The following RALGPS2 variants were observed in gnomAD, a reference collection of about 807,000 sequenced individuals.
RALGPS2 encodes the protein Ral GEF with PH domain and SH3 binding motif 2.
A neutral mutation model predicts 86.8 loss-of-function variants in RALGPS2; 43 were observed. The observed-to-expected ratio is 0.50, with a 90% confidence interval of 0.39 to 0.64. The LOEUF (loss-of-function observed/expected upper bound fraction) is 0.64. Ranked by LOEUF, RALGPS2 falls within the 30% of genes least tolerant of loss-of-function variation. The pLI is 0.00. For synonymous variants in RALGPS2, 243 were observed against 231.3 expected (o/e 1.05, Z -0.46); for missense variants, 536 against 694.6 (o/e 0.77, Z 2.57).
chr1:178,807,246 G>A (rs1200440699), intron 4 of RALGPS2, among the ~76,000 whole-genome samples: 3 of 152,192 alleles, frequency 2.0e-5, no homozygotes, highest in African/African-American at 7.2e-5. Context: ...TGAGGTGGAA[G>A]AATTGCCTGA....
chr1:178,773,803 A>C (rs2102096696), intron 1 of RALGPS2, among the ~76,000 whole-genome samples: 1 of 152,298 alleles, frequency 6.6e-6, no homozygotes, highest in East Asian at 1.9e-4. Flanking sequence ...CTCAAAAAAA[A>C]AAAAAATACT....
chr1:178,738,730 C>A (rs921199099), intron 1 of RALGPS2, among the ~76,000 whole-genome samples: 1 of 152,136 alleles, frequency 6.6e-6, no homozygotes, highest in Non-Finnish European at 1.5e-5. Context: ...ATTTGTTTAA[C>A]ATTCAGCTTT....
intron 1 of RALGPS2, among the ~76,000 whole-genome samples, chr1:178,739,307 A>G (rs1340006811): frequency 6.6e-6 from 1 of 152,194 alleles, no homozygotes; most frequent in African/African-American, 2.4e-5. Context: ...GTGTTATCAT[A>G]AAAGTATTGT....
chr1:178,730,334 A>G (rs1365528419), intron 1 of RALGPS2, among the ~76,000 whole-genome samples: 1 of 152,168 alleles, frequency 6.6e-6, no homozygotes, highest in Non-Finnish European at 1.5e-5. Flanking sequence ...TTCTTATGCC[A>G]CCTTGAAATT....
intron 4 of RALGPS2, among the ~76,000 whole-genome samples, chr1:178,797,310 ATT>A (rs1423668423): frequency 6.8e-6 from 1 of 146,898 alleles, no homozygotes; most frequent in African/African-American, 2.5e-5. Context: ...GGGAAAAGCA[ATT>A]TTTTTTTTTT....
chr1:178,901,209 A>G lies in RALGPS2; in HGVS notation c.1525-897A>G, dbSNP rs551012228. 2.0e-4 allele frequency among the ~76,000 whole-genome samples: 31 copies of G among 152,194 alleles called. No homozygotes were observed. In the South Asian group the frequency reaches 6.2e-3, roughly 31 times the overall value. ...TACATTTTAAAGCATAATAAATAAA[A>G]TGAACACCTGTATACTCTCCACCCA... On this transcript the variant is annotated intron_variant, in intron 17 of 19. Coordinates refer to ENST00000367635, the MANE Select transcript of RALGPS2 (RefSeq NM_152663.5).
chr1:178,892,627 C>A (rs948874800), intron 15 of RALGPS2, among the ~76,000 whole-genome samples: 1 of 152,038 alleles, frequency 6.6e-6, no homozygotes, highest in Non-Finnish European at 1.5e-5. Context: ...AAATCTGCTT[C>A]TTTATTCATA....
intron 7 of RALGPS2, among the ~76,000 whole-genome samples, chr1:178,832,716 G>A (rs1391484801): frequency 6.6e-6 from 1 of 150,526 alleles, no homozygotes; most frequent in Non-Finnish European, 1.5e-5. Flanking sequence ...TCCAGTCTTT[G>A]GAATGATTTG....
intron 1 of RALGPS2, among the ~76,000 whole-genome samples, chr1:178,762,875 T>G (rs1310264853): frequency 1.3e-5 from 2 of 152,192 alleles, no homozygotes; most frequent in Non-Finnish European, 2.9e-5. Context: ...CAGTTTTTGT[T>G]GCAGTTGCTT....
At position 178,921,151 on chromosome 1, in the gene RALGPS2, G is replaced by A. The variant is rs902614611; in HGVS notation, c.*4792G>A. ...AAGTAGTCATTCAAGCCAAATGAAA[G>A]AGTTAACTGGTCCTTGAGGAGTGTT... On this transcript the variant is annotated 3_prime_UTR_variant, in exon 20 of 20. Transcript: ENST00000367635. 1.1e-4 allele frequency: 16 copies of A among 151,970 alleles called. No individual in the cohort carries two copies. The highest frequency in any genetic ancestry group is 3.6e-4 in the African/African-American group (15 of 41,416). 9.4% of individuals were successfully genotyped at this position (151,970 alleles called of 1,614,324 possible).
intron 19 of RALGPS2, among the ~76,000 whole-genome samples, chr1:178,912,266 G>A (rs1660655936): frequency 6.6e-6 from 1 of 152,156 alleles, no homozygotes; most frequent in Admixed American, 6.5e-5. Context: ...TCATTGTATA[G>A]TTGCTTTATA....
At chr1:178,863,438 TAGTC>T (rs1658168261) in intron 8 of RALGPS2, among the ~76,000 whole-genome samples, 1 of 152,166 alleles carries the variant, frequency 6.6e-6, no homozygotes, top group African/African-American at 2.4e-5. Context: ...GTTTAAGAAA[TAGTC>T]AGTGATTTGG....
rs190522812 is a variant in RALGPS2 at position 178,815,801 on chromosome 1, T to G, written c.387+4397T>G. Among the ~76,000 whole-genome samples the G allele has an allele frequency of 1.2e-3, 187 of 152,316 alleles. 1 individual carries two copies. The highest frequency in any genetic ancestry group is 0.011 in the Admixed American group (175 of 15,292). On this transcript the variant is annotated intron_variant, in intron 6 of 19. Transcript: ENST00000367635. ...CTGCCAACACACCCCACTGCTACAATATAGATGAAGGCTGTTCTGGGAATT... is the reference window on the plus strand; with the variant it reads ...CTGCCAACACACCCCACTGCTACAAGATAGATGAAGGCTGTTCTGGGAATT...
intron 13 of RALGPS2, 74 bp from the exon 14 acceptor site, chr1:178,889,564 AATTT>A (rs756080773): frequency 2.2e-6 from 2 of 929,016 alleles, no homozygotes; most frequent in Non-Finnish European, 3.5e-6. Flanking sequence ...ATAGTTAATT[AATTT>A]ATTTTTACAT....
Position 178,886,068 on chromosome 1 carries a change from G to C in RALGPS2, c.1140G>C (p.Ala380=), listed in dbSNP as rs769742333. The change falls in exon 13 of 20, where the codon GCG becomes GCC. Residue 380 remains alanine, a synonymous_variant. Transcript: ENST00000367635. ...LLDDSVMEPH[A]PSRGQAESST... is the part of the protein sequence containing the mutation. The stretch of plus-strand genomic sequence containing the variant: ...ATGATAGCGTCATGGAGCCCCATGC[G>C]CCATCTCGAGGCCAAGCTGAAAGTT... The C allele has an allele frequency of 7.4e-6, 12 of 1,613,532 alleles. No individual in the cohort carries two copies. The South Asian group carries it at 1.2e-4, about 16-fold the overall frequency.
chr1:178,916,382 T>A lies in RALGPS2; in HGVS notation c.*23T>A. The A allele has an allele frequency of 6.3e-7, 1 of 1,590,764 alleles. No individual in the cohort carries two copies. The highest frequency in any genetic ancestry group is 8.6e-7 in the Non-Finnish European group (1 of 1,160,504). ...TAGAAGCCTGAGAAAAAAAGAGAGG[T>A]GAACTGTTGCTTCTACGTGAGCATG... On this transcript the variant is annotated 3_prime_UTR_variant, in exon 20 of 20. Coordinates refer to ENST00000367635, the MANE Select transcript of RALGPS2 (RefSeq NM_152663.5).
At chr1:178,901,699 A>AG (rs1491152357) in intron 17 of RALGPS2, among the ~76,000 whole-genome samples, 3 of 151,800 alleles carry the variant, frequency 2.0e-5, no homozygotes, top group Non-Finnish European at 4.4e-5. Context: ...AAAAAAAAAA[A>AG]GAACTCTCTG....
At chr1:178,851,483 A>G (rs1390429194) in intron 8 of RALGPS2, among the ~76,000 whole-genome samples, 1 of 152,162 alleles carries the variant, frequency 6.6e-6, no homozygotes. Context: ...CTGTTGCATC[A>G]ACTGCTTGAA....
At chr1:178,788,837 CTTTCTTTCTTTTCT>C (rs772966228) in intron 4 of RALGPS2, among the ~76,000 whole-genome samples, 2,448 of 123,182 alleles carry the variant, frequency 0.02, 42 homozygotes, top group Non-Finnish European at 0.027. Flanking sequence ...TGTTTTCTTT[CTTTCTTTCTTTTCT>C]TTTCTTTTCT....
Sources: allele counts gnomAD v4.1 joint callset (sites outside exome capture counted in the v4.1 genomes callset), GRCh38; gene constraint gnomAD v4.1.1; transcripts MANE v1.5; gene names NCBI Gene and HGNC (gene_info 2026-07-23, HGNC 2026-07-21).